The following ENTPD3 variants were observed in gnomAD, a reference collection of about 807,000 sequenced individuals.
The protein encoded by ENTPD3 is ectonucleoside triphosphate diphosphohydrolase 3.
ENTPD3 carries 60 observed loss-of-function variants against 51.2 expected under a neutral mutation model. The ratio of observed to expected loss-of-function variants is 1.17; its 90% CI spans 0.95 to 1.45. ENTPD3 has a LOEUF of 1.45. Ranked by LOEUF, ENTPD3 falls within the 40% of genes most tolerant of loss-of-function variation. The pLI, the probability that ENTPD3 is intolerant of heterozygous loss-of-function variation, is 0.00. For missense variants in ENTPD3, 593 were observed against 641.1 expected, an observed-to-expected ratio of 0.93 and a Z score of 0.81; for synonymous variants, 221 against 238.4, an observed-to-expected ratio of 0.93 and a Z score of 0.67.
chr3:40,388,149 A>G, intron 2 of ENTPD3, 52 bp downstream of exon 2: 1 of 1,553,126 alleles, frequency 6.4e-7, no homozygotes, highest in South Asian at 1.1e-5. Context: ...TCGCAAGAGA[A>G]CCCCAGCTTC....
rs1004842615 is a variant in ENTPD3 at position 40,424,119 on chromosome 3, T to G, written c.1353+156T>G. 3 of 985,224 alleles carry G rather than the reference T, an allele frequency of 3.0e-6. No individual in the cohort carries two copies. The African/African-American group carries it at 5.2e-5, about 17-fold the overall frequency. 61.0% of individuals were successfully genotyped at this position (985,224 alleles called of 1,614,324 possible). On this transcript the variant is annotated intron_variant, in intron 10 of 10. Coordinates refer to ENST00000301825, the MANE Select transcript of ENTPD3 (RefSeq NM_001248.4). ...TCCCTTGTGAGTTTCCCAGAAGAGG[T>G]CATGGAGAATTTAGAAGAGTTGCTC...
chr3:40,400,937 A>C lies in ENTPD3; in HGVS notation c.212A>C (p.Tyr71Ser). 1 of 1,613,754 alleles carries C rather than the reference A, an allele frequency of 6.2e-7. No homozygotes were observed. Among genetic ancestry groups the C allele is most frequent in the Non-Finnish European group, 8.5e-7 (1 of 1,179,990 alleles). Residue 71 changes from tyrosine to serine, a missense_variant, in exon 4 of 11, where the codon TAC becomes TCC. Physicochemically the swap from Tyr to Ser is moderately radical, Grantham distance 144 (BLOSUM62 -2). Transcript: ENST00000301825. ...GCCGGGTCTTCAAGAACCACAGTCT[A>C]CGTGTATCAATGGCCAGCAGAAAAA... is the stretch of plus-strand genomic sequence containing the variant. ...LDAGSSRTTV[Y>S]VYQWPAEKEN...
intron 7 of ENTPD3, among the ~76,000 whole-genome samples, chr3:40,421,300 A>G (rs946325554): frequency 2.6e-5 from 4 of 152,196 alleles, no homozygotes; most frequent in African/African-American, 9.6e-5. Context: ...CTGGGATTAC[A>G]GATGTGAGCC....
rs748273050 is a variant in ENTPD3, at chr3:40,416,024, G to A, written c.782G>A (p.Cys261Tyr). The stretch of plus-strand genomic sequence containing the variant: ...ACGCTCTACACACACAGCTTCCAGT[G>A]CTATGGCCGGAATGAGGCTGAGAAG... ...VYTLYTHSFQ[C>Y]YGRNEAEKKF... Residue 261 changes from cysteine (C) to tyrosine (Y), a missense_variant, in exon 7 of 11, where the codon TGC becomes TAC. By Grantham distance (194) the Cys-to-Tyr change is radical. Transcript: ENST00000301825. The A allele has an allele frequency of 6.2e-7, 1 of 1,614,078 alleles. No homozygotes were observed. The highest frequency in any genetic ancestry group is 8.5e-7 in the Non-Finnish European group (1 of 1,179,992).
At chr3:40,406,083 AT>A (rs1445760786) in intron 4 of ENTPD3, among the ~76,000 whole-genome samples, 3 of 152,230 alleles carry the variant, frequency 2.0e-5, no homozygotes, top group Admixed American at 2.0e-4. Context: ...TCAGGCAGAC[AT>A]GATGTGAAGA....
At position 40,427,599 on chromosome 3, in the gene ENTPD3, A is replaced by G; in HGVS notation, c.*91A>G. ...CAGGTGAAGTGGCTGCCTTCAGGAA[A>G]TACAACTAACTAAAATCAAACACCT... On this transcript the variant is annotated 3_prime_UTR_variant, in exon 11 of 11. Coordinates refer to ENST00000301825, the MANE Select transcript of ENTPD3 (RefSeq NM_001248.4). The G allele has an allele frequency of 4.2e-6, 4 of 946,648 alleles. No homozygotes were observed. The South Asian group carries it at 5.8e-5, about 14-fold the overall frequency. 58.6% of individuals were successfully genotyped at this position (946,648 alleles called of 1,614,324 possible). A position where few individuals can be genotyped will look rare whatever the true frequency, so the allele number is the denominator to read the frequency against.
At chr3:40,394,036 G>A (rs1250582084) in intron 3 of ENTPD3, among the ~76,000 whole-genome samples, 8 of 102,910 alleles carry the variant, frequency 7.8e-5, no homozygotes, top group African/African-American at 2.4e-4. Context: ...GCAACAGAGC[G>A]AGACTCTGTC....
intron 6 of ENTPD3, among the ~76,000 whole-genome samples, chr3:40,415,596 C>T (rs769876892): frequency 6.6e-6 from 1 of 152,148 alleles, no homozygotes; most frequent in African/African-American, 2.4e-5. Context: ...CAGTTTGCCA[C>T]AGACCCACCA....
chr3:40,424,902 C>A, intron 10 of ENTPD3: 1 of 649,762 alleles, frequency 1.5e-6, no homozygotes, highest in Non-Finnish European at 2.8e-6. Context: ...AAAATTGAGT[C>A]ATCTACAAAA....
chr3:40,422,150 AC>A (rs1955887330), intron 7 of ENTPD3, among the ~76,000 whole-genome samples: 1 of 151,886 alleles, frequency 6.6e-6, no homozygotes, highest in Non-Finnish European at 1.5e-5. Flanking sequence ...ACACACACAC[AC>A]ACACACACCC....
chr3:40,423,111 G>C lies in ENTPD3; in HGVS notation c.1093G>C (p.Gly365Arg). Residue 365 changes from glycine (G) to arginine (R), a missense_variant, in exon 8 of 11, where the codon GGG becomes CGG. Transcript: ENST00000301825. ...TGGGGTTTATCAGCCAAAGATTAAAGGGCCATTTGTGGTAAGAGCAAAACC... is the reference window on the plus strand; with the variant it reads ...TGGGGTTTATCAGCCAAAGATTAAACGGCCATTTGTGGTAAGAGCAAAACC... ...FDGVYQPKIKGPFVAFAGFYY... is the reference protein window; with the variant it reads ...FDGVYQPKIKRPFVAFAGFYY... 6.2e-7 allele frequency: 1 copy of C among 1,611,010 alleles called. No homozygotes were observed. Among genetic ancestry groups the C allele is most frequent in the Non-Finnish European group, 8.5e-7 (1 of 1,177,976 alleles).
chr3:40,428,653 T>A lies in ENTPD3; in HGVS notation c.*1145T>A, dbSNP rs929221462. 1 of 152,216 alleles carries A rather than the reference T, an allele frequency of 6.6e-6. No homozygotes were observed. The highest frequency in any genetic ancestry group is 1.5e-5 in the Non-Finnish European group (1 of 68,038). The allele number at this position is 152,216 out of a possible 1,614,324, so 9.4% of individuals were successfully genotyped here. ...GGGTGTGTGTGTGTTAACTTCCATA[T>A]GGTACTCTTTCTCCTAAGGACCCTA... is the stretch of plus-strand genomic sequence containing the variant. On this transcript the variant is annotated 3_prime_UTR_variant, in exon 11 of 11. Transcript: ENST00000301825.
At chr3:40,423,795 C>G in intron 9 of ENTPD3, 31 bp from the exon 10 acceptor site, 1 of 1,609,518 alleles carries the variant, frequency 6.2e-7, no homozygotes, top group Non-Finnish European at 8.5e-7. Context: ...TACCTGCCTG[C>G]CCTGCCTCTC....
At chr3:40,415,704 A>G in intron 6 of ENTPD3, 136 bp from the exon 7 acceptor site, 1 of 648,946 alleles carries the variant, frequency 1.5e-6, no homozygotes, top group South Asian at 1.9e-5. Context: ...CTCTAAAAGA[A>G]AAGGAAAGAA....
chr3:40,392,268 A>T, intron 3 of ENTPD3, 118 bp downstream of exon 3: 1 of 1,242,606 alleles, frequency 8.0e-7, no homozygotes, highest in Non-Finnish European at 1.1e-6. Flanking sequence ...CTCTGGCTGA[A>T]GCCAGGAGAA....
chr3:40,397,273 A>AGGTAAGGACTGAAGTGT (rs1955227816), intron 3 of ENTPD3, among the ~76,000 whole-genome samples: 1 of 151,780 alleles, frequency 6.6e-6, no homozygotes, highest in African/African-American at 2.4e-5. Context: ...ATTACTGAAC[A>AGGTAAGGACTGAAGTGT]GTCATGCCAT....
intron 2 of ENTPD3, among the ~76,000 whole-genome samples, chr3:40,388,601 C>CACACAG (rs1954993850): frequency 6.7e-6 from 1 of 150,148 alleles, no homozygotes; most frequent in Admixed American, 6.6e-5. Flanking sequence ...CACACACACA[C>CACACAG]ACACACACAC....
At chr3:40,399,412 T>C (rs1955290292) in intron 3 of ENTPD3, 1 of 152,220 alleles carries the variant, frequency 6.6e-6, no homozygotes, top group African/African-American at 2.4e-5. Flanking sequence ...TATAGCCTTC[T>C]ATTTACTTCT....
chr3:40,423,719 A>C, intron 9 of ENTPD3, 107 bp from the exon 10 acceptor site: 2 of 1,287,506 alleles, frequency 1.6e-6, no homozygotes, highest in Non-Finnish European at 2.2e-6. Context: ...ATTTTCTATT[A>C]TGAAATTATG....
Sources: allele counts gnomAD v4.1 joint callset (sites outside exome capture counted in the v4.1 genomes callset), GRCh38; gene constraint gnomAD v4.1.1; transcripts MANE v1.5; gene names NCBI Gene and HGNC (gene_info 2026-07-23, HGNC 2026-07-21).